Variants in HCRTR2 observed in about 807,000 individuals in gnomAD.
HCRTR2 encodes the protein orexin receptor type 2.
A neutral mutation model predicts 49.0 loss-of-function variants in HCRTR2; 22 were observed. The observed-to-expected ratio is 0.45, with a 90% CI of 0.32 to 0.64. HCRTR2 has a LOEUF of 0.64. Ranked by LOEUF, HCRTR2 falls within the 30% of genes least tolerant of loss-of-function variation. The pLI, the probability that HCRTR2 is intolerant of heterozygous loss-of-function variation, is 0.04. For missense variants in HCRTR2, 491 were observed against 559.4 expected, an observed-to-expected ratio of 0.88 and a Z score of 1.23; for synonymous variants, 236 against 205.3, an observed-to-expected ratio of 1.15 and a Z score of -1.28.
chr6:55,107,640 AAAT>A (rs1763993280), intron 1 of HCRTR2, among the ~76,000 whole-genome samples: 1 of 151,978 alleles, frequency 6.6e-6, no homozygotes, highest in African/African-American at 2.4e-5. Context: ...ATTGTTGCAA[AAAT>A]AATAGTTTCA....
chr6:55,229,597 C>A (rs1341273667), intron 1 of HCRTR2, among the ~76,000 whole-genome samples: 2 of 152,006 alleles, frequency 1.3e-5, no homozygotes, highest in Non-Finnish European at 2.9e-5. Context: ...CATAGATGAA[C>A]CTGCAGGACG....
chr6:55,121,789 C>T (rs917576401), intron 1 of HCRTR2, among the ~76,000 whole-genome samples: 1 of 152,128 alleles, frequency 6.6e-6, no homozygotes, highest in African/African-American at 2.4e-5. Flanking sequence ...GTTGAACCAG[C>T]CTTGCATCCC....
intron 1 of HCRTR2, among the ~76,000 whole-genome samples, chr6:55,130,006 C>G (rs1045592637): frequency 3.3e-5 from 5 of 151,970 alleles, no homozygotes; most frequent in Non-Finnish European, 5.9e-5. Flanking sequence ...ACCATCATGT[C>G]CTCATTTGTT....
intron 1 of HCRTR2, among the ~76,000 whole-genome samples, chr6:55,160,703 G>A (rs1360028447): frequency 2.6e-5 from 4 of 152,130 alleles, no homozygotes; most frequent in Admixed American, 6.5e-5. Flanking sequence ...TGATAAAATA[G>A]ACTTCAAACC....
At chr6:55,111,822 C>T (rs1031478134) in intron 1 of HCRTR2, among the ~76,000 whole-genome samples, 12 of 152,030 alleles carry the variant, frequency 7.9e-5, no homozygotes, top group African/African-American at 2.7e-4. Context: ...ATACCAAAAC[C>T]AGGAAAGGAC....
intron 1 of HCRTR2, among the ~76,000 whole-genome samples, chr6:55,165,766 T>TATATATA: frequency 2.5e-5 from 1 of 39,988 alleles, no homozygotes; most frequent in Middle Eastern, 0.022. Flanking sequence ...TATATATATA[T>TATATATA]ATATATATAT....
At chr6:55,158,827 C>A (rs765495436) in intron 1 of HCRTR2, among the ~76,000 whole-genome samples, 1 of 152,206 alleles carries the variant, frequency 6.6e-6, no homozygotes, top group Non-Finnish European at 1.5e-5. Context: ...AGATCAAACT[C>A]CCATCTCCCT....
chr6:55,241,283 C>A (rs1437247542), intron 1 of HCRTR2, among the ~76,000 whole-genome samples: 1 of 152,042 alleles, frequency 6.6e-6, no homozygotes, highest in Non-Finnish European at 1.5e-5. Context: ...ACATTATTTT[C>A]TATCTAGAAA....
chr6:55,280,850 T>C (rs1246417346), intron 6 of HCRTR2, among the ~76,000 whole-genome samples: 1 of 152,194 alleles, frequency 6.6e-6, no homozygotes, highest in Non-Finnish European at 1.5e-5. Context: ...TTAGATATTT[T>C]ACTATATTTA....
chr6:55,145,770 A>G (rs966926969), intron 1 of HCRTR2, among the ~76,000 whole-genome samples: 16 of 151,976 alleles, frequency 1.1e-4, no homozygotes, highest in African/African-American at 3.6e-4. Context: ...ACATGACACC[A>G]TAGCCACATA....
At chr6:55,262,371 A>AT (rs562134985) in intron 3 of HCRTR2, among the ~76,000 whole-genome samples, 1 of 138,852 alleles carries the variant, frequency 7.2e-6, no homozygotes, top group African/African-American at 2.7e-5. Context: ...AATGTATTAT[A>AT]GTTATATATA....
intron 1 of HCRTR2, among the ~76,000 whole-genome samples, chr6:55,238,634 AG>A (rs1766260760): frequency 6.6e-6 from 1 of 152,194 alleles, no homozygotes; most frequent in Non-Finnish European, 1.5e-5. Context: ...AACATCTATA[AG>A]ATGAAAACAG....
chr6:55,260,844 TATTG>T (rs1453877850), intron 3 of HCRTR2, among the ~76,000 whole-genome samples: 21 of 152,328 alleles, frequency 1.4e-4, no homozygotes, highest in Admixed American at 1.3e-3. Context: ...TCATGCTTAT[TATTG>T]ATTAATCCTG....
chr6:55,123,769 G>A (rs1218262057), intron 1 of HCRTR2, among the ~76,000 whole-genome samples: 2 of 152,090 alleles, frequency 1.3e-5, no homozygotes, highest in Non-Finnish European at 2.9e-5. Flanking sequence ...ACTTATTTTG[G>A]TTGACAGGAT....
intron 2 of HCRTR2, among the ~76,000 whole-genome samples, chr6:55,252,574 G>A (rs1766572830): frequency 6.6e-6 from 1 of 152,040 alleles, no homozygotes; most frequent in East Asian, 1.9e-4. Flanking sequence ...TAACTTATTT[G>A]CAGAGAAGGA....
chr6:55,253,058 C>G (rs1164938568), intron 2 of HCRTR2, among the ~76,000 whole-genome samples: 3 of 151,938 alleles, frequency 2.0e-5, no homozygotes. Flanking sequence ...TAAGATCACT[C>G]CATATGTCAG....
intron 1 of HCRTR2, among the ~76,000 whole-genome samples, chr6:55,108,449 A>T (rs1400902108): frequency 6.6e-6 from 1 of 152,068 alleles, no homozygotes; most frequent in African/African-American, 2.4e-5. Context: ...TGAGATGGGG[A>T]AAGTCTACCT....
chr6:55,276,027 T>C (rs763452373), intron 4 of HCRTR2, among the ~76,000 whole-genome samples: 3 of 152,206 alleles, frequency 2.0e-5, no homozygotes, highest in Non-Finnish European at 4.4e-5. Context: ...AGGAGTCTCC[T>C]GGAACATTCC....
At chr6:55,270,307 T>C (rs1299246673) in intron 4 of HCRTR2, among the ~76,000 whole-genome samples, 3 of 152,214 alleles carry the variant, frequency 2.0e-5, no homozygotes, top group South Asian at 4.1e-4. Context: ...TACATGAATA[T>C]CATTTACAAT....
Sources: allele counts gnomAD v4.1 joint callset (sites outside exome capture counted in the v4.1 genomes callset), GRCh38; gene constraint gnomAD v4.1.1; transcripts MANE v1.5; gene names NCBI Gene and HGNC (gene_info 2026-07-23, HGNC 2026-07-21).